The following CENPW variants were observed in gnomAD, a reference collection of about 807,000 sequenced individuals.
CENPW encodes the protein centromere protein W.
A neutral mutation model predicts 11.1 loss-of-function variants in CENPW; 3 were observed. The ratio of observed to expected loss-of-function variants is 0.27; its 90% CI spans 0.12 to 0.70. The LOEUF (loss-of-function observed/expected upper bound fraction) is 0.70. Ranked by LOEUF, CENPW falls within the 30% of genes least tolerant of loss-of-function variation. The pLI, the probability that CENPW is intolerant of heterozygous loss-of-function variation, is 0.77. For missense variants in CENPW, 100 were observed against 105.6 expected (o/e 0.95, Z 0.23); for synonymous variants, 38 against 42.0 (o/e 0.91, Z 0.37).
the CENPW span, among the ~76,000 whole-genome samples, chr6:126,428,996 A>G: frequency 1.3e-5 from 2 of 152,312 alleles, no homozygotes; most frequent in East Asian, 3.9e-4. Flanking sequence ...GAGCACACAC[A>G]AGCCATCTCA....
At chr6:126,439,701 GA>G in the CENPW span, among the ~76,000 whole-genome samples, 1 of 151,530 alleles carries the variant, frequency 6.6e-6, no homozygotes, top group Non-Finnish European at 1.5e-5. Context: ...AAAAAACTTT[GA>G]AATATACCTG....
At chr6:126,422,813 T>C in the CENPW span, among the ~76,000 whole-genome samples, 51 of 152,190 alleles carry the variant, frequency 3.4e-4, no homozygotes, top group East Asian at 8.3e-3. Flanking sequence ...CACACATCCA[T>C]TGTTTCCTCC....
chr6:126,463,965 G>A, the CENPW span, among the ~76,000 whole-genome samples: 16 of 151,742 alleles, frequency 1.1e-4, no homozygotes, highest in East Asian at 3.9e-4. Flanking sequence ...CAAAATTACC[G>A]TTATATCAAA....
At chr6:126,475,702 T>A in the CENPW span, among the ~76,000 whole-genome samples, 9 of 152,100 alleles carry the variant, frequency 5.9e-5, no homozygotes, top group African/African-American at 1.9e-4. Context: ...TGATGAAAAC[T>A]ACTCTGCAAA....
the CENPW span, among the ~76,000 whole-genome samples, chr6:126,367,632 A>G: frequency 6.6e-6 from 1 of 152,178 alleles, no homozygotes; most frequent in Non-Finnish European, 1.5e-5. Context: ...AAATGGTGGG[A>G]GTCTTGAAAC....
At chr6:126,467,162 C>A in the CENPW span, among the ~76,000 whole-genome samples, 2 of 152,052 alleles carry the variant, frequency 1.3e-5, no homozygotes, top group Admixed American at 1.3e-4. Context: ...CATTCGAAAC[C>A]ATAAAGGAGC....
the CENPW span, among the ~76,000 whole-genome samples, chr6:126,475,290 G>A: frequency 6.6e-6 from 1 of 151,972 alleles, no homozygotes; most frequent in Non-Finnish European, 1.5e-5. Flanking sequence ...AGTGTGGATA[G>A]TGGATTATTT....
chr6:126,411,729 C>G, the CENPW span, among the ~76,000 whole-genome samples: 1 of 151,994 alleles, frequency 6.6e-6, no homozygotes, highest in African/African-American at 2.4e-5. Context: ...GAGGTTTGGG[C>G]CAAAGAAGCT....
At chr6:126,446,406 C>G in the CENPW span, among the ~76,000 whole-genome samples, 2 of 144,550 alleles carry the variant, frequency 1.4e-5, no homozygotes, top group African/African-American at 2.5e-5. Flanking sequence ...GCTTAAACTT[C>G]TTAATACTTT....
the CENPW span, among the ~76,000 whole-genome samples, chr6:126,361,961 G>C: frequency 6.6e-6 from 1 of 152,192 alleles, no homozygotes; most frequent in African/African-American, 2.4e-5. Context: ...TTAGGGCTGG[G>C]CTCTGGCTCT....
downstream of CENPW, among the ~76,000 whole-genome samples, chr6:126,350,881 CAAG>C (rs1780483314): frequency 6.6e-6 from 1 of 151,394 alleles, no homozygotes; most frequent in South Asian, 2.1e-4. Context: ...TAGGACTTCT[CAAG>C]AGAATGTAAA....
chr6:126,377,188 C>G, the CENPW span, among the ~76,000 whole-genome samples: 1 of 152,026 alleles, frequency 6.6e-6, no homozygotes, highest in Non-Finnish European at 1.5e-5. Flanking sequence ...ATTTATACTT[C>G]TATTTTTTAA....
At chr6:126,376,825 G>C in the CENPW span, among the ~76,000 whole-genome samples, 1 of 152,132 alleles carries the variant, frequency 6.6e-6, no homozygotes, top group Non-Finnish European at 1.5e-5. Context: ...TTGATAAAAG[G>C]AGAGAAGAGC....
the CENPW span, among the ~76,000 whole-genome samples, chr6:126,402,406 C>T: frequency 6.6e-6 from 1 of 151,752 alleles, no homozygotes; most frequent in Non-Finnish European, 1.5e-5. Context: ...ACATAACATC[C>T]AATTTTCACA....
chr6:126,359,646 T>C, the CENPW span, among the ~76,000 whole-genome samples: 42 of 152,192 alleles, frequency 2.8e-4, no homozygotes, highest in African/African-American at 9.9e-4. Context: ...ATCTTATTGT[T>C]GAATTGTTCT....
chr6:126,427,695 T>A, the CENPW span, among the ~76,000 whole-genome samples: 1 of 152,238 alleles, frequency 6.6e-6, no homozygotes, highest in East Asian at 1.9e-4. Flanking sequence ...TTGTTAGGTT[T>A]CTATTTTTTA....
chr6:126,455,687 C>G, the CENPW span, among the ~76,000 whole-genome samples: 1 of 151,366 alleles, frequency 6.6e-6, no homozygotes, highest in African/African-American at 2.4e-5. Context: ...TTTCACCACT[C>G]CTCTTCAACA....
chr6:126,376,602 AGACTAG>A, the CENPW span, among the ~76,000 whole-genome samples: 56 of 152,314 alleles, frequency 3.7e-4, no homozygotes, highest in African/African-American at 1.3e-3. Context: ...GAGGAGAACC[AGACTAG>A]GTGCTTCAGC....
chr6:126,378,953 T>C, the CENPW span, among the ~76,000 whole-genome samples: 7 of 152,194 alleles, frequency 4.6e-5, no homozygotes, highest in African/African-American at 1.4e-4. Flanking sequence ...CTATTGCATA[T>C]AGGAAAAATA....
Sources: allele counts gnomAD v4.1 joint callset (sites outside exome capture counted in the v4.1 genomes callset), GRCh38; gene constraint gnomAD v4.1.1; transcripts MANE v1.5; gene names NCBI Gene and HGNC (gene_info 2026-07-23, HGNC 2026-07-21).